FGF12: variants seen among roughly 807,000 people sequenced by gnomAD.
FGF12 encodes the protein fibroblast growth factor 12B.
A neutral mutation model predicts 23.6 loss-of-function variants in FGF12; 14 were observed. The ratio of observed to expected loss-of-function variants is 0.59; its 90% confidence interval spans 0.39 to 0.93. The LOEUF is 0.93. Among genes scored for constraint, FGF12 ranks in the 40% least tolerant of loss-of-function variants. FGF12 has a pLI of 0.00. For synonymous variants in FGF12, 62 were observed against 77.3 expected, an observed-to-expected ratio of 0.80 and a Z score of 1.04; for missense variants, 175 against 217.8, an observed-to-expected ratio of 0.80 and a Z score of 1.24.
At chr3:192,320,788 C>T (rs990376979) in intron 4 of FGF12, among the ~76,000 whole-genome samples, 1 of 151,148 alleles carries the variant, frequency 6.6e-6, no homozygotes, top group South Asian at 2.1e-4. Context: ...CACAATATAC[C>T]CAAATCTATA....
intron 2 of FGF12, among the ~76,000 whole-genome samples, chr3:192,674,153 TG>T (rs1437809083): frequency 4.3e-5 from 6 of 139,670 alleles, no homozygotes; most frequent in Non-Finnish European, 6.7e-5. Context: ...GAACAACCCA[TG>T]GGGTAGTTAT....
chr3:192,173,897 G>C lies in FGF12; in HGVS notation c.229-3241C>G, dbSNP rs569418778. Among the ~76,000 whole-genome samples, 7 of 152,252 alleles carry C rather than the reference G, an allele frequency of 4.6e-5. No individual in the cohort carries two copies. The South Asian group carries it at 6.2e-4, about 14-fold the overall frequency. ...GATATAAAGCTGCTTAGTGATGATA[G>C]TACAATTTGGCACCTTTATCTAACA... On this transcript the variant is annotated intron_variant, in intron 4 of 5. Transcript: ENST00000445105.
chr3:192,364,573 AT>A (rs1718886331), intron 2 of FGF12, among the ~76,000 whole-genome samples: 1 of 152,062 alleles, frequency 6.6e-6, no homozygotes, highest in Non-Finnish European at 1.5e-5. Flanking sequence ...AGTGGAAGTG[AT>A]GTGTGCCATT....
In FGF12 at chr3:192,682,781, G is replaced by A. The variant is rs144960099; in HGVS notation, c.13+44400C>T. Among the ~76,000 whole-genome samples, 659 of 152,278 alleles carry A rather than the reference G, an allele frequency of 4.3e-3. 4 individuals carry two copies. The highest frequency in any genetic ancestry group is 0.015 in the African/African-American group (626 of 41,552). The stretch of plus-strand genomic sequence containing the variant: ...GCCAGAAAGACCAAACATGTAATTA[G>A]AGGGTTGCAACTTTGAGCCATGGGT... On this transcript the variant is annotated intron_variant, in intron 2 of 5. Coordinates refer to ENST00000445105, the MANE Select transcript of FGF12 (RefSeq NM_004113.6).
At chr3:192,503,058 C>T (rs1381656865) in intron 2 of FGF12, among the ~76,000 whole-genome samples, 2 of 152,004 alleles carry the variant, frequency 1.3e-5, no homozygotes, top group African/African-American at 4.8e-5. Flanking sequence ...TCTGAGTTTT[C>T]GAGGAAAGTT....
rs180700402 is a variant in FGF12, at chr3:192,291,403, A to G, written c.228+43958T>C. 1.1e-3 allele frequency among the ~76,000 whole-genome samples: 166 copies of G among 152,126 alleles called. 1 individual carries two copies. Among genetic ancestry groups the G allele is most frequent in the Admixed American group, 4.7e-3 (71 of 15,244 alleles). ...TAAGACCAACCTGGGCAACACAGTGAGATCTCATCTCCATAAAAAAATAAA... is the reference window on the plus strand; with the variant it reads ...TAAGACCAACCTGGGCAACACAGTGGGATCTCATCTCCATAAAAAAATAAA... On this transcript the variant is annotated intron_variant, in intron 4 of 5. Coordinates refer to ENST00000445105, the MANE Select transcript of FGF12 (RefSeq NM_004113.6).
intron 4 of FGF12, among the ~76,000 whole-genome samples, chr3:192,185,644 G>A (rs774234455): frequency 1.2e-4 from 18 of 151,848 alleles, no homozygotes; most frequent in South Asian, 6.2e-4. Flanking sequence ...GGTGGATCAC[G>A]GAGTCAGGAG....
intron 2 of FGF12, among the ~76,000 whole-genome samples, chr3:192,712,116 A>G (rs920615158): frequency 6.6e-6 from 1 of 151,848 alleles, no homozygotes; most frequent in African/African-American, 2.4e-5. Context: ...AACATCTAAG[A>G]AAAAGATTAA....
chr3:192,290,682 C>A (rs1400839161), intron 4 of FGF12, among the ~76,000 whole-genome samples: 1 of 152,138 alleles, frequency 6.6e-6, no homozygotes, highest in Non-Finnish European at 1.5e-5. Flanking sequence ...TCCAACACAT[C>A]ATGATACTTA....
At chr3:192,542,974 G>T (rs145628632) in intron 2 of FGF12, among the ~76,000 whole-genome samples, 164 of 152,172 alleles carry the variant, frequency 1.1e-3, no homozygotes, top group African/African-American at 3.9e-3. Flanking sequence ...TGGTACTGGG[G>T]TCTCACCCAA....
chr3:192,424,649 T>C (rs1038325826), intron 2 of FGF12, among the ~76,000 whole-genome samples: 13 of 152,166 alleles, frequency 8.5e-5, no homozygotes, highest in Non-Finnish European at 8.8e-5. Flanking sequence ...GAAAATTTCA[T>C]GAAGATATGA....
At chr3:192,290,372 T>C (rs1714690548) in intron 4 of FGF12, among the ~76,000 whole-genome samples, 3 of 152,170 alleles carry the variant, frequency 2.0e-5, no homozygotes, top group Admixed American at 2.0e-4. Flanking sequence ...TGCCTACTGA[T>C]CGTATCCCTA....
intron 2 of FGF12, among the ~76,000 whole-genome samples, chr3:192,484,315 T>TAAAAAAAAAAAAAAAAAAAAAAAAAAAA (rs57914760): frequency 3.0e-5 from 3 of 99,668 alleles, no homozygotes; most frequent in Non-Finnish European, 4.7e-5. Context: ...TCCATTTTCC[T>TAAAAAAAAAAAAAAAAAAAAAAAAAAAA]AAAAAAAAAA....
At chr3:192,381,373 T>C (rs1719805152) in intron 2 of FGF12, among the ~76,000 whole-genome samples, 2 of 152,292 alleles carry the variant, frequency 1.3e-5, no homozygotes, top group Middle Eastern at 3.4e-3. Context: ...CCTGCCTGCC[T>C]TCATTCCTTC....
intron 5 of FGF12, among the ~76,000 whole-genome samples, chr3:192,167,767 ATAAAATTTTT>A (rs1268804266): frequency 3.4e-5 from 1 of 29,346 alleles, no homozygotes; most frequent in Admixed American, 3.8e-4. Context: ...ATATATATAT[ATAAAATTTTT>A]TTTTTTTTTT....
intron 2 of FGF12, among the ~76,000 whole-genome samples, chr3:192,702,023 C>A (rs187920090): frequency 6.6e-6 from 1 of 152,308 alleles, no homozygotes; most frequent in East Asian, 1.9e-4. Context: ...GCACCTCCCA[C>A]CACAACTCTA....
chr3:192,182,613 G>A (rs891591971), intron 4 of FGF12, among the ~76,000 whole-genome samples: 6 of 147,646 alleles, frequency 4.1e-5, no homozygotes, highest in African/African-American at 1.0e-4. Flanking sequence ...TTACCCCATC[G>A]TCTATGTCCT....
intron 5 of FGF12, among the ~76,000 whole-genome samples, chr3:192,158,776 G>C (rs1371633950): frequency 7.0e-6 from 1 of 142,634 alleles, no homozygotes; most frequent in African/African-American, 2.7e-5. Context: ...GTCTGACTTT[G>C]CATTTCACTT....
At chr3:192,714,582 A>G (rs970342252) in intron 2 of FGF12, among the ~76,000 whole-genome samples, 13 of 138,462 alleles carry the variant, frequency 9.4e-5, no homozygotes, top group African/African-American at 2.8e-4. Context: ...GCAGCGGCGC[A>G]ATCTCGGCTC....
Sources: gnomAD v4.1 joint callset for allele counts (sites outside exome capture counted in the v4.1 genomes callset) on GRCh38, gnomAD v4.1.1 for gene constraint, MANE v1.5 for transcripts, NCBI Gene and HGNC (gene_info 2026-07-23, HGNC 2026-07-21) for gene names.